The following THRB variants were observed in gnomAD, a reference collection of about 807,000 sequenced individuals.
The protein encoded by THRB is nuclear receptor subfamily 1 group A member 2.
Under a neutral mutation model 47.8 loss-of-function variants are expected in THRB, and 12 were observed. That is an observed-to-expected ratio of 0.25 (90% CI 0.16 to 0.41). THRB has a LOEUF of 0.41. Among genes scored for constraint, THRB ranks in the 10% least tolerant of loss-of-function variants. The pLI is 1.00. For missense variants in THRB, 348 were observed against 589.2 expected, an observed-to-expected ratio of 0.59 and a Z score of 4.24; for synonymous variants, 218 against 212.2, an observed-to-expected ratio of 1.03 and a Z score of -0.24.
At chr3:24,327,472 A>C (rs752965967) in intron 2 of THRB, among the ~76,000 whole-genome samples, 14 of 152,158 alleles carry the variant, frequency 9.2e-5, no homozygotes, top group Admixed American at 7.9e-4. Flanking sequence ...TAAAAGTTGA[A>C]ACCCTAGGAC....
intron 4 of THRB, among the ~76,000 whole-genome samples, chr3:24,219,023 T>C (rs1369227636): frequency 6.6e-6 from 1 of 152,178 alleles, no homozygotes; most frequent in African/African-American, 2.4e-5. Context: ...TTCCAGCACT[T>C]TGAGAAGCCG....
intron 2 of THRB, among the ~76,000 whole-genome samples, chr3:24,323,002 T>C (rs556335400): frequency 8.1e-4 from 123 of 152,322 alleles, no homozygotes; most frequent in Non-Finnish European, 1.5e-3. Flanking sequence ...ATTTTTCTTA[T>C]GAGCATTACA....
At chr3:24,231,977 A>C (rs755348549) in intron 3 of THRB, among the ~76,000 whole-genome samples, 3 of 152,198 alleles carry the variant, frequency 2.0e-5, no homozygotes, top group Non-Finnish European at 4.4e-5. Flanking sequence ...TTGAGTTAGA[A>C]AGGGGTGGCT....
At chr3:24,451,232 T>A (rs1360308204) in intron 1 of THRB, among the ~76,000 whole-genome samples, 1 of 143,996 alleles carries the variant, frequency 6.9e-6, no homozygotes, top group Non-Finnish European at 1.5e-5. Context: ...ACATGTACTT[T>A]TTTTTTTTTT....
chr3:24,431,600 C>T (rs909104193), intron 1 of THRB, among the ~76,000 whole-genome samples: 2 of 152,088 alleles, frequency 1.3e-5, no homozygotes, highest in Non-Finnish European at 2.9e-5. Flanking sequence ...TAATAAAGAA[C>T]ATATTTACCC....
rs2030972546 is a variant in THRB at position 24,118,049 on chromosome 3, TTTC to T, written c.*4832_*4834del. 1 of 152,300 alleles carries T rather than the reference TTTC, an allele frequency of 6.6e-6. No individual in the cohort carries two copies. Among genetic ancestry groups the T allele is most frequent in the African/African-American group, 2.4e-5 (1 of 41,452 alleles). 9.4% of individuals were successfully genotyped at this position (152,300 alleles called of 1,614,324 possible). On this transcript the variant is annotated 3_prime_UTR_variant, in exon 11 of 11. Coordinates refer to ENST00000646209, the MANE Select transcript of THRB (RefSeq NM_001354712.2). Reference sequence around the variant, plus strand: ...CTTAGTTTCTTCTCTCCCTCCATAGTTTCTTCTCAAGTAAATTTGCTTATTCTA... The same window carrying T: ...CTTAGTTTCTTCTCTCCCTCCATAGTTTCTCAAGTAAATTTGCTTATTCTA...
rs533226474 is a variant in THRB, at chr3:24,163,040, C to A, written c.284-10550G>T. On this transcript the variant is annotated intron_variant, in intron 5 of 10. Transcript: ENST00000646209. ...AAATCCAATTGGAAAATGAGGCCTA[C>A]CCCACTGAACACCTGTTTATGGTCT... Among the ~76,000 whole-genome samples, 5 of 152,210 alleles carry A rather than the reference C, an allele frequency of 3.3e-5. No individual in the cohort carries two copies. In the South Asian group the frequency reaches 1.0e-3, roughly 32 times the overall value.
intron 1 of THRB, among the ~76,000 whole-genome samples, chr3:24,405,245 A>G (rs775919903): frequency 2.0e-5 from 3 of 151,958 alleles, no homozygotes; most frequent in African/African-American, 4.8e-5. Flanking sequence ...TCACAGGTCT[A>G]TTGCAGGCGT....
At chr3:24,174,064 A>G (rs1180310511) in intron 5 of THRB, among the ~76,000 whole-genome samples, 4 of 135,906 alleles carry the variant, frequency 2.9e-5, no homozygotes. Context: ...ATACATGTGC[A>G]GGACGTGCAG....
intron 5 of THRB, among the ~76,000 whole-genome samples, chr3:24,180,760 T>G (rs1470811518): frequency 1.3e-5 from 2 of 152,164 alleles, no homozygotes; most frequent in African/African-American, 2.4e-5. Context: ...ACTGGAGAGA[T>G]AAACCAGCCC....
chr3:24,408,077 C>A (rs1282483692), intron 1 of THRB, among the ~76,000 whole-genome samples: 3 of 151,812 alleles, frequency 2.0e-5, no homozygotes, highest in Admixed American at 1.3e-4. Flanking sequence ...AATAAACATT[C>A]TGTCAGATTG....
rs963993925 is a variant in THRB at position 24,440,568 on chromosome 3, T to C, written c.-261+54084A>G. 1.2e-4 allele frequency among the ~76,000 whole-genome samples: 19 copies of C among 152,094 alleles called. No homozygotes were observed. The East Asian group carries it at 1.7e-3, about 14-fold the overall frequency. ...GTAGTCACATGCATTTATTAGAATA[T>C]AAAAACAGAATATAAAACCAGGAGC... On this transcript the variant is annotated intron_variant, in intron 1 of 10. Transcript: ENST00000646209.
chr3:24,338,960 G>A (rs2062442456), intron 1 of THRB, among the ~76,000 whole-genome samples: 1 of 152,174 alleles, frequency 6.6e-6, no homozygotes, highest in Non-Finnish European at 1.5e-5. Flanking sequence ...CTCTGATAAT[G>A]TGCGGCTGAA....
At chr3:24,299,802 T>TTTTTTTC (rs1363344985) in intron 2 of THRB, among the ~76,000 whole-genome samples, 1 of 132,948 alleles carries the variant, frequency 7.5e-6, no homozygotes, top group African/African-American at 2.9e-5. Context: ...TTTTTTTTTT[T>TTTTTTTC]AGCAAACATA....
intron 4 of THRB, among the ~76,000 whole-genome samples, chr3:24,218,969 T>C (rs1003796398): frequency 1.3e-5 from 2 of 152,198 alleles, no homozygotes; most frequent in African/African-American, 4.8e-5. Flanking sequence ...TAAAGCAGCA[T>C]AGAATAGCAT....
At chr3:24,387,873 C>A (rs1214938057) in intron 1 of THRB, among the ~76,000 whole-genome samples, 1 of 151,774 alleles carries the variant, frequency 6.6e-6, no homozygotes, top group Non-Finnish European at 1.5e-5. Context: ...AAGAGACAGG[C>A]CCAGAGACAG....
Position 24,152,505 on chromosome 3 carries a change from A to C in THRB, c.284-15T>G, listed in dbSNP as rs779741823. ...GGGGATGTACCCTGTGAAGGAAATA[A>C]AAGAAGGAATATTAAAAAATAATAT... On this transcript the variant is annotated splice_polypyrimidine_tract_variant and intron_variant, in intron 5 of 10. Transcript: ENST00000646209. 1 of 1,314,008 alleles carries C rather than the reference A, an allele frequency of 7.6e-7. No homozygotes were observed. The highest frequency in any genetic ancestry group is 1.2e-5 in the South Asian group (1 of 84,952). 81.4% of individuals were successfully genotyped at this position (1,314,008 alleles called of 1,614,324 possible). A position where few individuals can be genotyped will look rare whatever the true frequency, so the allele number is the denominator to read the frequency against.
chr3:24,306,670 A>G (rs1362823938), intron 2 of THRB, among the ~76,000 whole-genome samples: 4 of 152,144 alleles, frequency 2.6e-5, no homozygotes, highest in Non-Finnish European at 5.9e-5. Flanking sequence ...CTACTGGGTC[A>G]AGAAACAAAG....
chr3:24,228,824 G>T, intron 4 of THRB, 114 bp downstream of exon 4: 1 of 965,904 alleles, frequency 1.0e-6, no homozygotes, highest in Non-Finnish European at 1.6e-6. Flanking sequence ...ACACTTATTG[G>T]TTTGGAAATA....
Sources: gnomAD v4.1 joint callset for allele counts (sites outside exome capture counted in the v4.1 genomes callset) on GRCh38, gnomAD v4.1.1 for gene constraint, MANE v1.5 for transcripts, NCBI Gene and HGNC (gene_info 2026-07-23, HGNC 2026-07-21) for gene names.